The following NPC2 variants were observed in gnomAD, a reference collection of about 807,000 sequenced individuals.
NPC2 encodes the protein NPC intracellular cholesterol transporter 2.
A neutral mutation model predicts 17.0 loss-of-function variants in NPC2; 14 were observed. The observed-to-expected ratio is 0.82, with a 90% CI of 0.54 to 1.29. The LOEUF (loss-of-function observed/expected upper bound fraction) is 1.29, where lower values mean the gene tolerates loss of function less well. Among genes scored for constraint, NPC2 ranks in the 50% most tolerant of loss-of-function variants. The pLI is 0.00. For synonymous variants in NPC2, 75 were observed against 69.3 expected, an observed-to-expected ratio of 1.08 and a Z score of -0.41; for missense variants, 167 against 183.4, an observed-to-expected ratio of 0.91 and a Z score of 0.52.
intron 2 of NPC2, among the ~76,000 whole-genome samples, chr14:74,484,940 T>A (rs550244644): frequency 6.6e-6 from 1 of 152,220 alleles, no homozygotes; most frequent in South Asian, 2.1e-4. Flanking sequence ...TCTGTCCAAG[T>A]ATATTGTGTG....
intron 1 of NPC2, among the ~76,000 whole-genome samples, chr14:74,487,103 A>G (rs922950100): frequency 4.0e-5 from 6 of 151,708 alleles, no homozygotes; most frequent in African/African-American, 1.5e-4. Context: ...GGCGAGTGCC[A>G]TCATGCCCGG....
In NPC2 at chr14:74,493,118, C is replaced by T. The variant is rs2086793606; in HGVS notation, c.82+75G>A. The T allele has an allele frequency of 3.3e-6, 5 of 1,535,454 alleles. No individual in the cohort carries two copies. The highest frequency in any genetic ancestry group is 3.5e-6 in the Non-Finnish European group (4 of 1,133,992). ...CCGAGGGATCCGCCCAGCCCAGCCC[C>T]AGGGGTCTCAGCGCGGGGGTCCGGC... is the stretch of plus-strand genomic sequence containing the variant. On this transcript the variant is annotated intron_variant, in intron 1 of 4. Transcript: ENST00000555619. The surrounding 1 kb of genome is among the most constrained non-coding windows in gnomAD (Gnocchi z 4.1).
chr14:74,481,272 C>G (rs1340810347), intron 3 of NPC2, among the ~76,000 whole-genome samples: 1 of 152,258 alleles, frequency 6.6e-6, no homozygotes, highest in Non-Finnish European at 1.5e-5. Context: ...GGGGCCTCCC[C>G]CTTCTCTTTC....
intron 1 of NPC2, among the ~76,000 whole-genome samples, chr14:74,490,667 T>C (rs568907969): frequency 6.6e-6 from 1 of 152,168 alleles, no homozygotes; most frequent in Non-Finnish European, 1.5e-5. Context: ...TAGAACAAAC[T>C]CCTCTGTTCT....
intron 1 of NPC2, among the ~76,000 whole-genome samples, chr14:74,491,453 C>G (rs996433179): frequency 6.6e-6 from 1 of 152,026 alleles, no homozygotes. Context: ...TAATTTGAAG[C>G]GATAATAGCT....
chr14:74,485,684 G>C (rs1298229425), intron 2 of NPC2, among the ~76,000 whole-genome samples: 2 of 152,120 alleles, frequency 1.3e-5, no homozygotes, highest in Non-Finnish European at 2.9e-5. Context: ...AGAAAATGAG[G>C]AAAAGATTCA....
At chr14:74,487,976 C>G (rs1024205642) in intron 1 of NPC2, among the ~76,000 whole-genome samples, 1 of 152,184 alleles carries the variant, frequency 6.6e-6, no homozygotes, top group African/African-American at 2.4e-5. Context: ...ATCGAAGACT[C>G]AATGGGTGGG....
chr14:74,485,948 AAAC>A (rs1442616734), intron 2 of NPC2, among the ~76,000 whole-genome samples: 2 of 152,212 alleles, frequency 1.3e-5, no homozygotes, highest in Non-Finnish European at 2.9e-5. Flanking sequence ...TTACTGCTTA[AAAC>A]AACATTTTGG....
Position 74,484,427 on chromosome 14 carries a change from G to A in NPC2, c.351C>T (p.Ser117=), listed in dbSNP as rs1183033999. 6 of 1,613,944 alleles carry A rather than the reference G, an allele frequency of 3.7e-6. No homozygotes were observed. Among genetic ancestry groups the A allele is most frequent in the African/African-American group, 1.3e-5 (1 of 74,958 alleles). Residue 117 remains serine, a synonymous_variant, in exon 3 of 5, where the codon AGC becomes AGT. Transcript: ENST00000555619. The part of the protein sequence containing the change: ...YSYLNKLPVK[S]EYPSIKLVVE... ...TGGTATCACTTACAGAGGGATATTC[G>A]CTTTTCACTGGTAGTTTATTCAGGT... is the stretch of plus-strand genomic sequence containing the variant.
At chr14:74,487,008 G>C (rs1009708292) in intron 1 of NPC2, among the ~76,000 whole-genome samples, 3 of 141,284 alleles carry the variant, frequency 2.1e-5, no homozygotes, top group Non-Finnish European at 4.6e-5. Context: ...TTGGAGTGCA[G>C]TGGCACAGTC....
In NPC2 at chr14:74,492,322, T is replaced by C. The variant is rs180915248; in HGVS notation, c.82+871A>G. On this transcript the variant is annotated intron_variant, in intron 1 of 4. Transcript: ENST00000555619. ...CGCTCTGTCTAGGCAATGCGCAAGG[T>C]GAACCCCTTGGGCGGTTACACTTAC... 2.1e-3 allele frequency among the ~76,000 whole-genome samples: 315 copies of C among 152,302 alleles called. 6 individuals are homozygous for C. Among genetic ancestry groups the C allele is most frequent in the Admixed American group, 0.02 (303 of 15,300 alleles).
intron 3 of NPC2, among the ~76,000 whole-genome samples, chr14:74,482,323 C>A (rs530653530): frequency 2.6e-5 from 4 of 152,192 alleles, no homozygotes; most frequent in Admixed American, 6.5e-5. Context: ...TCAAGAAATG[C>A]GGCTCTTTTT....
intron 3 of NPC2, chr14:74,483,263 A>G: frequency 9.5e-7 from 1 of 1,052,166 alleles, no homozygotes; most frequent in Non-Finnish European, 1.5e-6. Flanking sequence ...TTTACTGGTT[A>G]AGGACACAGA....
intron 3 of NPC2, 131 bp from the exon 4 acceptor site, chr14:74,480,910 T>C (rs530781617): frequency 4.9e-6 from 4 of 816,628 alleles, no homozygotes; most frequent in Admixed American, 1.7e-5. Context: ...TCTTAAATCA[T>C]GAGGGCTGCT....
At chr14:74,484,040 G>A (rs562293728) in intron 3 of NPC2, among the ~76,000 whole-genome samples, 2 of 151,978 alleles carry the variant, frequency 1.3e-5, no homozygotes, top group Admixed American at 1.3e-4. Context: ...AAAAAACTGG[G>A]GTAACTGATT....
At position 74,480,306 on chromosome 14, in the gene NPC2, C is replaced by A. The variant is rs199940399; in HGVS notation, c.442-18G>T. The A allele has an allele frequency of 1.2e-6, 2 of 1,605,906 alleles. No individual in the cohort carries two copies. The highest frequency in any genetic ancestry group is 1.7e-6 in the Non-Finnish European group (2 of 1,173,354). ...TGAGAAACCTGTGGATGTAATGTCCCAGCTCAGTGGAAGTGGTTTGGAACC... is the reference window on the plus strand; with the variant it reads ...TGAGAAACCTGTGGATGTAATGTCCAAGCTCAGTGGAAGTGGTTTGGAACC... On this transcript the variant is annotated intron_variant, in intron 4 of 4. Transcript: ENST00000555619.
intron 2 of NPC2, 77 bp from the exon 3 acceptor site, chr14:74,484,664 TC>T (rs2086690647): frequency 7.1e-7 from 1 of 1,407,756 alleles, no homozygotes; most frequent in African/African-American, 1.5e-5. Context: ...TCAGAAATAA[TC>T]CCAAGCAACA....
rs537375153 is a variant in NPC2, at chr14:74,480,257, C to G, written c.*17G>C. Reference sequence around the variant, plus strand: ...CAGCAGACTCATTGGCCAGATGCACCGAACTCAATGAGGCACTTAGAGATG... The same window carrying G: ...CAGCAGACTCATTGGCCAGATGCACGGAACTCAATGAGGCACTTAGAGATG... On this transcript the variant is annotated 3_prime_UTR_variant, in exon 5 of 5. Transcript: ENST00000555619. The G allele has an allele frequency of 6.2e-7, 1 of 1,614,118 alleles. No individual in the cohort carries two copies. Among genetic ancestry groups the G allele is most frequent in the African/African-American group, 1.3e-5 (1 of 75,024 alleles).
At chr14:74,482,943 G>T in intron 3 of NPC2, 1 of 538,348 alleles carries the variant, frequency 1.9e-6, no homozygotes, top group East Asian at 4.1e-5. Context: ...GCCAGACTGG[G>T]GGAATCATCA....
Sources: allele counts gnomAD v4.1 joint callset (sites outside exome capture counted in the v4.1 genomes callset), GRCh38; gene constraint gnomAD v4.1.1; non-coding constraint Gnocchi (gnomAD v3.1); transcripts MANE v1.5; gene names NCBI Gene and HGNC (gene_info 2026-07-23, HGNC 2026-07-21).